The following PAM variants were observed in gnomAD, a reference collection of about 807,000 sequenced individuals.
The protein encoded by PAM is peptidylglycine alpha-amidating monooxygenase, also known as peptidyl-glycine alpha-amidating monooxygenase.
PAM carries 72 observed loss-of-function variants against 122.1 expected under a neutral mutation model. The ratio of observed to expected loss-of-function variants is 0.59; its 90% confidence interval spans 0.49 to 0.72. The LOEUF (loss-of-function observed/expected upper bound fraction) is 0.72. PAM is among the 30% of genes least tolerant of loss of function. The pLI is 0.00. For synonymous variants in PAM, 389 were observed against 404.4 expected, an observed-to-expected ratio of 0.96 and a Z score of 0.46; for missense variants, 1,106 against 1,183.7, an observed-to-expected ratio of 0.93 and a Z score of 0.96.
intron 1 of PAM, among the ~76,000 whole-genome samples, chr5:102,825,400 C>G (rs1013060727): frequency 1.3e-5 from 2 of 152,104 alleles, no homozygotes; most frequent in South Asian, 4.1e-4. Context: ...GGAGAATAAA[C>G]TCAGAAAAGA....
At chr5:102,876,870 T>C (rs924986427) in intron 3 of PAM, among the ~76,000 whole-genome samples, 1 of 152,156 alleles carries the variant, frequency 6.6e-6, no homozygotes, top group Non-Finnish European at 1.5e-5. Flanking sequence ...TTGAGTCTTG[T>C]CTTCTCAAGC....
At chr5:102,866,982 TTTTTTATAAATTTTCAATAAAAACAAG>T (rs1171218346) in intron 2 of PAM, among the ~76,000 whole-genome samples, 1 of 152,236 alleles carries the variant, frequency 6.6e-6, no homozygotes, top group African/African-American at 2.4e-5. Context: ...TATGACATAA[TTTTTTATAAATTTTCAATAAAAACAAG>T]TTTTTATTGA....
chr5:103,019,459 T>C (rs1363469659), intron 22 of PAM, among the ~76,000 whole-genome samples: 3 of 152,178 alleles, frequency 2.0e-5, no homozygotes, highest in Non-Finnish European at 4.4e-5. Flanking sequence ...TAACCCAACA[T>C]GTCAGAACTA....
intron 1 of PAM, among the ~76,000 whole-genome samples, chr5:102,839,664 C>T (rs75581835): frequency 5.3e-5 from 8 of 152,056 alleles, no homozygotes; most frequent in South Asian, 2.1e-4. Flanking sequence ...AAAACTAAAT[C>T]GAGCTATGTA....
chr5:102,867,180 C>T, intron 2 of PAM, 93 bp from the exon 3 acceptor site: 2 of 832,278 alleles, frequency 2.4e-6, no homozygotes, highest in Middle Eastern at 3.0e-4. Flanking sequence ...AATCAATCAT[C>T]TTTAAGGTCA....
chr5:102,848,636 A>C lies in PAM; in HGVS notation c.-373-17187A>C, dbSNP rs140548963. 1.8e-4 allele frequency among the ~76,000 whole-genome samples: 27 copies of C among 152,340 alleles called. No homozygotes were observed. In the East Asian group the frequency reaches 5.2e-3, roughly 29 times the overall value. On this transcript the variant is annotated intron_variant, in intron 1 of 25. Transcript: ENST00000438793. The stretch of plus-strand genomic sequence containing the variant: ...CTGGAGAAAGGGAGAATTTTGAAAA[A>C]GAGAGAAAAGAACTCAGCTGAAACA...
intron 11 of PAM, 77 bp from the exon 12 acceptor site, chr5:102,950,640 A>G: frequency 1.2e-6 from 1 of 865,414 alleles, no homozygotes; most frequent in Non-Finnish European, 1.9e-6. Flanking sequence ...GGAGGAACAT[A>G]CCTCAACACA....
chr5:102,772,369 G>A (rs1269796807), intron 1 of PAM, among the ~76,000 whole-genome samples: 2 of 152,046 alleles, frequency 1.3e-5, no homozygotes, highest in South Asian at 2.1e-4. Flanking sequence ...TTTTGCATGT[G>A]AGGGTGTTTG....
intron 4 of PAM, among the ~76,000 whole-genome samples, chr5:102,909,411 T>G (rs1581596096): frequency 6.6e-6 from 1 of 151,902 alleles, no homozygotes; most frequent in Non-Finnish European, 1.5e-5. Context: ...AAACCTGCTT[T>G]TGCTCTTTGT....
intron 3 of PAM, among the ~76,000 whole-genome samples, chr5:102,898,571 A>G (rs751278447): frequency 9.2e-5 from 14 of 151,714 alleles, no homozygotes; most frequent in African/African-American, 2.4e-5. Flanking sequence ...CAGAAACAAA[A>G]TAGTGACAAA....
intron 1 of PAM, among the ~76,000 whole-genome samples, chr5:102,771,558 T>C (rs459760): frequency 0.5 from 75,222 of 151,904 alleles, 19,349 homozygotes; most frequent in African/African-American, 0.65. Flanking sequence ...GTGTCTGGCT[T>C]CTTCTCCTAA....
chr5:103,027,194 C>T (rs1005558165), intron 24 of PAM, among the ~76,000 whole-genome samples: 6 of 152,162 alleles, frequency 3.9e-5, no homozygotes, highest in African/African-American at 1.4e-4. Context: ...TGTATTGACT[C>T]CATATCAGAC....
intron 14 of PAM, among the ~76,000 whole-genome samples, chr5:102,969,694 C>G (rs6884577): frequency 6.6e-6 from 1 of 151,972 alleles, no homozygotes; most frequent in Admixed American, 6.6e-5. Flanking sequence ...TAAAATATGG[C>G]GAGAAGATTA....
intron 1 of PAM, among the ~76,000 whole-genome samples, chr5:102,762,837 T>G (rs1210969130): frequency 6.6e-6 from 1 of 152,216 alleles, no homozygotes; most frequent in African/African-American, 2.4e-5. Context: ...CCTGCCTCAC[T>G]TAGCTATTAC....
chr5:102,766,156 A>G (rs1269135503), intron 1 of PAM, among the ~76,000 whole-genome samples: 3 of 152,162 alleles, frequency 2.0e-5, no homozygotes, highest in African/African-American at 4.8e-5. Flanking sequence ...CATGGAAGAC[A>G]GTTTTTCCAT....
chr5:102,947,117 C>T (rs1222536871), intron 8 of PAM, among the ~76,000 whole-genome samples: 1 of 152,184 alleles, frequency 6.6e-6, no homozygotes, highest in Admixed American at 6.5e-5. Flanking sequence ...GCTGGGGCTT[C>T]AGTCAGCTTA....
intron 4 of PAM, among the ~76,000 whole-genome samples, chr5:102,908,564 T>G (rs951080423): frequency 4.6e-5 from 6 of 130,544 alleles, no homozygotes; most frequent in Non-Finnish European, 6.6e-5. Flanking sequence ...CTCAGGACTG[T>G]TGTGGGGTGT....
At chr5:102,958,179 A>G (rs1761388654) in intron 12 of PAM, among the ~76,000 whole-genome samples, 1 of 152,158 alleles carries the variant, frequency 6.6e-6, no homozygotes, top group Non-Finnish European at 1.5e-5. Flanking sequence ...CATTCCCAAA[A>G]AGAGAAAATA....
intron 1 of PAM, among the ~76,000 whole-genome samples, chr5:102,797,156 G>C (rs1561471152): frequency 6.6e-6 from 1 of 152,130 alleles, no homozygotes; most frequent in Non-Finnish European, 1.5e-5. Flanking sequence ...GCATAAAAGA[G>C]ATTGTCCTAA....
Sources: gnomAD v4.1 joint callset for allele counts (sites outside exome capture counted in the v4.1 genomes callset) on GRCh38, gnomAD v4.1.1 for gene constraint, MANE v1.5 for transcripts, NCBI Gene and HGNC (gene_info 2026-07-23, HGNC 2026-07-21) for gene names.